LAMA2: variants seen among roughly 807,000 people sequenced by gnomAD.
The protein encoded by LAMA2 is laminin subunit alpha-2.
In LAMA2, 269 loss-of-function variants were observed where a neutral mutation model predicts 364.8. That is an observed-to-expected ratio of 0.74 (90% CI 0.67 to 0.82). LAMA2 has a LOEUF of 0.82. Ranked by LOEUF, LAMA2 falls within the 40% of genes least tolerant of loss-of-function variation. The pLI is 0.00. For missense variants in LAMA2, 3,807 were observed against 3,873.2 expected (o/e 0.98, Z 0.45); for synonymous variants, 1,379 against 1,370.6 (o/e 1.01, Z -0.14).
chr6:129,030,066 T>C (rs1786114482), intron 1 of LAMA2, among the ~76,000 whole-genome samples: 1 of 152,082 alleles, frequency 6.6e-6, no homozygotes, highest in African/African-American at 2.4e-5. Context: ...GGTCCTAATC[T>C]TTGCCTAGGA....
chr6:129,111,619 G>T (rs772972687), intron 4 of LAMA2, among the ~76,000 whole-genome samples: 1 of 151,938 alleles, frequency 6.6e-6, no homozygotes, highest in African/African-American at 2.4e-5. Context: ...AGAAATACTT[G>T]CAGGAATACT....
chr6:129,059,877 T>A lies in LAMA2; in HGVS notation c.377T>A (p.Ile126Asn), dbSNP rs966681460. The A allele has an allele frequency of 2.5e-6, 4 of 1,578,338 alleles. No homozygotes were observed. The highest frequency in any genetic ancestry group is 3.5e-6 in the Non-Finnish European group (4 of 1,147,418). The stretch of plus-strand genomic sequence containing the variant: ...GGAATCGAATACCATTATGTGACAA[T>A]TACCCTGGATTTACAGCAGGTATAG... ...KNGIEYHYVT[I>N]TLDLQQVFQI... Residue 126 changes from isoleucine (I) to asparagine (N), a missense_variant, in exon 3 of 65, where the codon ATT (isoleucine) becomes AAT (asparagine). Physicochemically the swap from Ile to Asn is moderately radical, Grantham distance 149. Coordinates refer to ENST00000421865, the MANE Select transcript of LAMA2 (RefSeq NM_000426.4).
intron 1 of LAMA2, among the ~76,000 whole-genome samples, chr6:129,038,248 T>C (rs900217211): frequency 6.6e-6 from 1 of 152,190 alleles, no homozygotes; most frequent in African/African-American, 2.4e-5. Context: ...TCACTTTTTT[T>C]CTATAGATAT....
At chr6:129,224,702 T>C (rs1784127960) in intron 12 of LAMA2, among the ~76,000 whole-genome samples, 1 of 152,210 alleles carries the variant, frequency 6.6e-6, no homozygotes. Context: ...TCGTGGTGGA[T>C]AAGCTTTTTG....
At chr6:129,462,720 T>C (rs1783320836) in intron 49 of LAMA2, among the ~76,000 whole-genome samples, 1 of 151,942 alleles carries the variant, frequency 6.6e-6, no homozygotes, top group Non-Finnish European at 1.5e-5. Flanking sequence ...TTTGTAAGAA[T>C]AATTTTTATA....
intron 32 of LAMA2, among the ~76,000 whole-genome samples, chr6:129,355,484 A>G (rs1777100946): frequency 6.6e-6 from 1 of 152,236 alleles, no homozygotes; most frequent in South Asian, 2.1e-4. Flanking sequence ...CTTTTAATAT[A>G]TTTCTGTATC....
At chr6:129,255,887 A>T (rs1167543153) in intron 14 of LAMA2, among the ~76,000 whole-genome samples, 1 of 152,150 alleles carries the variant, frequency 6.6e-6, no homozygotes, top group Non-Finnish European at 1.5e-5. Flanking sequence ...TTTGCAGCTC[A>T]CTTGGCATCC....
chr6:129,513,014 G>A (rs1460338391), intron 63 of LAMA2, among the ~76,000 whole-genome samples: 3 of 152,280 alleles, frequency 2.0e-5, no homozygotes, highest in East Asian at 3.9e-4. Flanking sequence ...GTGTCAGTTT[G>A]ATAATAATTG....
intron 1 of LAMA2, among the ~76,000 whole-genome samples, chr6:128,938,961 A>G (rs1022904663): frequency 2.0e-5 from 3 of 152,106 alleles, no homozygotes; most frequent in African/African-American, 7.2e-5. Context: ...AAATTTCAAT[A>G]CTTTCCACTT....
chr6:129,243,960 G>GA (rs943742468), intron 12 of LAMA2, among the ~76,000 whole-genome samples: 6 of 151,438 alleles, frequency 4.0e-5, no homozygotes, highest in Admixed American at 6.6e-5. Context: ...AGATAGGAAG[G>GA]AAAAAAAAGG....
intron 10 of LAMA2, among the ~76,000 whole-genome samples, chr6:129,181,592 G>A (rs1023667876): frequency 6.6e-6 from 1 of 151,648 alleles, no homozygotes; most frequent in East Asian, 1.9e-4. Context: ...TCAATGATTG[G>A]GTTAAACAAG....
At chr6:129,254,714 C>A (rs1390263823) in intron 14 of LAMA2, among the ~76,000 whole-genome samples, 1 of 152,168 alleles carries the variant, frequency 6.6e-6, no homozygotes, top group Admixed American at 6.5e-5. Flanking sequence ...GATGAAGGCA[C>A]AAGTAGAAAA....
At chr6:129,200,561 G>T (rs1392894299) in intron 12 of LAMA2, among the ~76,000 whole-genome samples, 1 of 151,496 alleles carries the variant, frequency 6.6e-6, no homozygotes, top group Non-Finnish European at 1.5e-5. Context: ...TATATATTTA[G>T]AAATTCTAAA....
chr6:129,493,047 C>G (rs2114862324), intron 58 of LAMA2, among the ~76,000 whole-genome samples: 1 of 152,086 alleles, frequency 6.6e-6, no homozygotes, highest in Middle Eastern at 3.4e-3. Flanking sequence ...CCCAGCTACT[C>G]AGTAGGCTGA....
At chr6:129,069,726 T>G (rs1450647528) in intron 3 of LAMA2, among the ~76,000 whole-genome samples, 2 of 148,326 alleles carry the variant, frequency 1.3e-5, no homozygotes, top group East Asian at 3.9e-4. Context: ...TAATTGTAAA[T>G]AAGTGTGTTT....
At chr6:129,218,622 A>G (rs982825739) in intron 12 of LAMA2, among the ~76,000 whole-genome samples, 1 of 152,156 alleles carries the variant, frequency 6.6e-6, no homozygotes, top group African/African-American at 2.4e-5. Flanking sequence ...AATTGACTAT[A>G]ATAAAGAAAT....
At chr6:129,172,914 C>G (rs777491571) in intron 9 of LAMA2, among the ~76,000 whole-genome samples, 54 of 152,286 alleles carry the variant, frequency 3.5e-4, no homozygotes, top group African/African-American at 1.3e-3. Context: ...CGCAGTATTC[C>G]GGTGGGAGTG....
At chr6:129,352,760 G>T (rs1349188992) in intron 31 of LAMA2, among the ~76,000 whole-genome samples, 2 of 152,100 alleles carry the variant, frequency 1.3e-5, no homozygotes, top group East Asian at 3.9e-4. Flanking sequence ...ATTAAGAACT[G>T]TTGTTACAGG....
chr6:129,400,511 T>C (rs1312277889), intron 37 of LAMA2, among the ~76,000 whole-genome samples: 1 of 152,142 alleles, frequency 6.6e-6, no homozygotes, highest in East Asian at 1.9e-4. Context: ...GTTAAATCTG[T>C]AGGTAGAATG....
Sources: gnomAD v4.1 joint callset for allele counts (sites outside exome capture counted in the v4.1 genomes callset) on GRCh38, gnomAD v4.1.1 for gene constraint, MANE v1.5 for transcripts, NCBI Gene and HGNC (gene_info 2026-07-23, HGNC 2026-07-21) for gene names.